DCT: variants seen among roughly 807,000 people sequenced by gnomAD.
DCT encodes the protein dopachrome tautomerase.
Under a neutral mutation model 53.0 loss-of-function variants are expected in DCT, and 47 were observed. The ratio of observed to expected loss-of-function variants is 0.89; its 90% confidence interval spans 0.70 to 1.13. The LOEUF (loss-of-function observed/expected upper bound fraction) is 1.13. Among genes scored for constraint, DCT ranks in the 50% most tolerant of loss-of-function variants. DCT has a pLI of 0.00. For missense variants in DCT, 669 were observed against 637.4 expected (o/e 1.05, Z -0.53); for synonymous variants, 244 against 237.0 (o/e 1.03, Z -0.27).
At chr13:94,503,215 C>A in the DCT span, among the ~76,000 whole-genome samples, 3 of 151,962 alleles carry the variant, frequency 2.0e-5, no homozygotes, top group Non-Finnish European at 4.4e-5. Context: ...CCCATCTCTA[C>A]TAAAAATACA....
chr13:94,490,518 A>C, the DCT span, among the ~76,000 whole-genome samples: 2 of 145,364 alleles, frequency 1.4e-5, no homozygotes, highest in Non-Finnish European at 1.5e-5. Flanking sequence ...AAAAAAAAAA[A>C]AAAAAAAAAA....
At chr13:94,490,504 CAAAAAAAAA>C in the DCT span, among the ~76,000 whole-genome samples, 17 of 35,484 alleles carry the variant, frequency 4.8e-4, no homozygotes, top group Non-Finnish European at 7.3e-4. Flanking sequence ...GACTCGGTCT[CAAAAAAAAA>C]AAAAAAAAAA....
intron 7 of DCT, among the ~76,000 whole-genome samples, chr13:94,441,139 A>G (rs974567902): frequency 2.0e-5 from 3 of 152,112 alleles, no homozygotes; most frequent in African/African-American, 4.8e-5. Flanking sequence ...CTGCAATCCC[A>G]TGGGAGGTCC....
chr13:94,441,967 G>T (rs750806084), intron 7 of DCT, among the ~76,000 whole-genome samples: 1 of 152,098 alleles, frequency 6.6e-6, no homozygotes, highest in Non-Finnish European at 1.5e-5. Context: ...CACCAGCAAT[G>T]CACAAGGATT....
intron 6 of DCT, among the ~76,000 whole-genome samples, chr13:94,450,638 T>G (rs1432535275): frequency 6.6e-6 from 1 of 152,194 alleles, no homozygotes; most frequent in African/African-American, 2.4e-5. Flanking sequence ...GAAAAAAAGC[T>G]TCTTCTTCAA....
At chr13:94,466,180 G>A (rs1208287470) in intron 3 of DCT, among the ~76,000 whole-genome samples, 1 of 150,938 alleles carries the variant, frequency 6.6e-6, no homozygotes, top group Non-Finnish European at 1.5e-5. Context: ...CTAAAGAAAA[G>A]AAGAAAAAAG....
the DCT span, among the ~76,000 whole-genome samples, chr13:94,536,832 T>C: frequency 4.6e-5 from 7 of 152,092 alleles, no homozygotes; most frequent in Admixed American, 1.3e-4. Context: ...TAATCCCAGC[T>C]ACTCTGAAGA....
chr13:94,486,390 C>T, the DCT span, among the ~76,000 whole-genome samples: 57 of 152,172 alleles, frequency 3.7e-4, no homozygotes, highest in African/African-American at 1.3e-3. Context: ...GCCCTAAGCA[C>T]GTCAGAATAG....
chr13:94,499,764 T>C, the DCT span, among the ~76,000 whole-genome samples: 1,644 of 152,206 alleles, frequency 0.011, 25 homozygotes, highest in African/African-American at 0.038. Flanking sequence ...CCTCCCCTCA[T>C]GACTCTGGCC....
chr13:94,521,984 C>T, the DCT span, among the ~76,000 whole-genome samples: 2 of 152,294 alleles, frequency 1.3e-5, no homozygotes, highest in South Asian at 2.1e-4. Flanking sequence ...TCAATGGAAC[C>T]ATATAATACA....
At chr13:94,478,138 T>C (rs1385630739) in intron 1 of DCT, among the ~76,000 whole-genome samples, 2 of 151,570 alleles carry the variant, frequency 1.3e-5, no homozygotes, top group African/African-American at 4.8e-5. Flanking sequence ...CATTGTTATC[T>C]AATAACAACC....
chr13:94,468,382 A>G, intron 2 of DCT: 1 of 205,776 alleles, frequency 4.9e-6, no homozygotes, highest in Admixed American at 5.2e-5. Flanking sequence ...TTTGGAGAAA[A>G]GGTCAGAGAG....
At chr13:94,460,659 C>T (rs934714573) in intron 5 of DCT, among the ~76,000 whole-genome samples, 2 of 152,014 alleles carry the variant, frequency 1.3e-5, no homozygotes, top group African/African-American at 2.4e-5. Flanking sequence ...ACTCAGGAGG[C>T]TGAGGTAGGA....
chr13:94,459,294 T>G (rs138624957), intron 6 of DCT, among the ~76,000 whole-genome samples: 1 of 152,376 alleles, frequency 6.6e-6, no homozygotes, highest in Non-Finnish European at 1.5e-5. Flanking sequence ...CAATCCTATT[T>G]ACTGTCTGTA....
chr13:94,514,929 T>C, the DCT span, among the ~76,000 whole-genome samples: 5 of 152,216 alleles, frequency 3.3e-5, no homozygotes, highest in African/African-American at 4.8e-5. Flanking sequence ...CAAATGCATA[T>C]GCTGAAAACT....
chr13:94,460,715 G>A (rs1028001057), intron 5 of DCT, among the ~76,000 whole-genome samples: 1 of 152,046 alleles, frequency 6.6e-6, no homozygotes, highest in Admixed American at 6.6e-5. Flanking sequence ...AGCCATGATT[G>A]TGCCACTGCA....
chr13:94,498,082 C>T, the DCT span, among the ~76,000 whole-genome samples: 2 of 152,216 alleles, frequency 1.3e-5, no homozygotes, highest in Admixed American at 6.5e-5. Flanking sequence ...AGACAGAATC[C>T]TAAACCTCTA....
chr13:94,482,887 C>T (rs931000391), upstream of DCT, among the ~76,000 whole-genome samples: 3 of 152,260 alleles, frequency 2.0e-5, no homozygotes, highest in East Asian at 5.8e-4. Flanking sequence ...CCCATGAACT[C>T]CCCCCTCAGT....
At chr13:94,458,000 C>T (rs77377991) in intron 6 of DCT, among the ~76,000 whole-genome samples, 6 of 152,082 alleles carry the variant, frequency 3.9e-5, no homozygotes, top group Non-Finnish European at 8.8e-5. Context: ...GTGACCATGA[C>T]GGATCAGGAC....
Sources: allele counts gnomAD v4.1 joint callset (sites outside exome capture counted in the v4.1 genomes callset), GRCh38; gene constraint gnomAD v4.1.1; transcripts MANE v1.5; gene names NCBI Gene and HGNC (gene_info 2026-07-23, HGNC 2026-07-21).